Variants in PPIP5K2 observed in about 807,000 individuals in gnomAD.
PPIP5K2 encodes inositol hexakisphosphate and diphosphoinositol-pentakisphosphate kinase 2.
In PPIP5K2, 105 loss-of-function variants were observed where a neutral mutation model predicts 154.6. The ratio of observed to expected loss-of-function variants is 0.68; its 90% CI spans 0.58 to 0.80. The LOEUF (loss-of-function observed/expected upper bound fraction) is 0.80. PPIP5K2 is among the 30% of genes least tolerant of loss of function. The pLI is 0.00. For synonymous variants in PPIP5K2, 480 were observed against 490.3 expected, an observed-to-expected ratio of 0.98 and a Z score of 0.28; for missense variants, 992 against 1,504.6, an observed-to-expected ratio of 0.66 and a Z score of 5.64.
At chr5:103,184,851 T>C (rs1562491494) in intron 26 of PPIP5K2, 107 bp downstream of exon 26, 1 of 747,202 alleles carries the variant, frequency 1.3e-6, no homozygotes, top group East Asian at 2.7e-5. Context: ...TGCTGTAGTT[T>C]TTATTTAATG....
At chr5:103,138,362 G>T (rs781840071) in intron 4 of PPIP5K2, 22 bp from the exon 5 acceptor site, 2 of 1,372,700 alleles carry the variant, frequency 1.5e-6, no homozygotes, top group Non-Finnish European at 2.0e-6. Context: ...AAAACAATAA[G>T]GATGTTTCCC....
At chr5:103,173,416 A>G (rs1166377985) in intron 20 of PPIP5K2, 134 bp downstream of exon 20, 2 of 1,095,352 alleles carry the variant, frequency 1.8e-6, no homozygotes, top group Non-Finnish European at 2.5e-6. Flanking sequence ...TTACCTAGGT[A>G]TTTCTATTAA....
chr5:103,180,083 T>C lies in PPIP5K2; in HGVS notation c.2817T>C (p.Asp939=), dbSNP rs1330844162. The change falls in exon 24 of 31, where the codon GAT becomes GAC. Residue 939 remains aspartate (D), a synonymous_variant. Transcript: ENST00000358359. ...NDDEPHTSKR[D]EVDRAVILFK... ...ATGAACCACATACTTCTAAAAGAGA[T>C]GAAGTTGATCGAGCTGTGATATTGT... 2 of 1,603,962 alleles carry C rather than the reference T, an allele frequency of 1.2e-6. No homozygotes were observed. Among genetic ancestry groups the C allele is most frequent in the Non-Finnish European group, 1.7e-6 (2 of 1,175,876 alleles).
In PPIP5K2 at chr5:103,201,788, T is replaced by C. The variant is rs541231271; in HGVS notation, c.*154T>C. On this transcript the variant is annotated 3_prime_UTR_variant, in exon 31 of 31. Coordinates refer to ENST00000358359, the MANE Select transcript of PPIP5K2 (RefSeq NM_001276277.3). ...AGGAACTGTTGTCATGATCTGGAAA[T>C]GTTTAAAACAATGTTTGTTAGCATT... 7 of 598,154 alleles carry C rather than the reference T, an allele frequency of 1.2e-5. No individual in the cohort carries two copies. In the African/African-American group the frequency reaches 1.4e-4, roughly 12 times the overall value. The allele number at this position is 598,154 out of a possible 1,614,324, so 37.1% of individuals were successfully genotyped here.
chr5:103,167,097 TG>T (rs1797248870), intron 17 of PPIP5K2, 81 bp from the exon 18 acceptor site: 1 of 1,094,424 alleles, frequency 9.1e-7, no homozygotes, highest in South Asian at 2.7e-5. Context: ...CTCCAGCTAC[TG>T]GAAAATTTTG....
chr5:103,143,594 T>C (rs1420504039), intron 5 of PPIP5K2, among the ~76,000 whole-genome samples: 9 of 152,184 alleles, frequency 5.9e-5, no homozygotes, highest in African/African-American at 2.2e-4. Flanking sequence ...CTATCAGTAA[T>C]AACGTGAATG....
At chr5:103,174,068 C>T (rs1798360948) in intron 21 of PPIP5K2, 96 bp downstream of exon 21, 3 of 973,246 alleles carry the variant, frequency 3.1e-6, no homozygotes, top group Non-Finnish European at 4.5e-6. Flanking sequence ...AGTAATTCAT[C>T]CTTAAGTTTT....
At chr5:103,121,000 C>T (rs897630496) in intron 1 of PPIP5K2, among the ~76,000 whole-genome samples, 1 of 152,132 alleles carries the variant, frequency 6.6e-6, no homozygotes, top group East Asian at 1.9e-4. Context: ...ATTTGGAGGT[C>T]GTTGCAGCCT....
chr5:103,197,389 C>T (rs1191321411), intron 30 of PPIP5K2, among the ~76,000 whole-genome samples: 4 of 150,964 alleles, frequency 2.6e-5, no homozygotes, highest in Admixed American at 6.6e-5. Flanking sequence ...CAAATTGTTG[C>T]TCTTTTATTA....
chr5:103,185,181 C>T (rs1800168008), intron 26 of PPIP5K2, among the ~76,000 whole-genome samples: 1 of 152,016 alleles, frequency 6.6e-6, no homozygotes, highest in Non-Finnish European at 1.5e-5. Context: ...TTGAGCAGCT[C>T]GTAAGGAAAA....
At chr5:103,195,778 A>G (rs1801998018) in intron 30 of PPIP5K2, among the ~76,000 whole-genome samples, 1 of 152,142 alleles carries the variant, frequency 6.6e-6, no homozygotes. Flanking sequence ...AGAGAATTTC[A>G]TATACCTCCA....
At chr5:103,121,098 C>G (rs1449343457) in intron 1 of PPIP5K2, among the ~76,000 whole-genome samples, 1 of 151,988 alleles carries the variant, frequency 6.6e-6, no homozygotes, top group East Asian at 1.9e-4. Flanking sequence ...GATTGCGACT[C>G]TTGGTGTCCT....
rs1554220147 is a variant in PPIP5K2, at chr5:103,173,847, T to A, written c.2415-11T>A. 2.7e-6 allele frequency: 4 copies of A among 1,492,192 alleles called. No homozygotes were observed. The highest frequency in any genetic ancestry group is 2.3e-5 in the East Asian group (1 of 44,128). The allele number at this position is 1,492,192 out of a possible 1,614,324, so 92.4% of individuals were successfully genotyped here. On this transcript the variant is annotated splice_polypyrimidine_tract_variant and intron_variant, in intron 20 of 30. Coordinates refer to ENST00000358359, the MANE Select transcript of PPIP5K2 (RefSeq NM_001276277.3). ...TGGTTATGTTTGAACACTGTCTGCT[T>A]CTAATTTTAGGTATTCTAGAGGTGT...
Position 103,167,675 on chromosome 5 carries a change from G to A in PPIP5K2, c.2062+355G>A, listed in dbSNP as rs537817063. On this transcript the variant is annotated intron_variant, in intron 18 of 30. Coordinates refer to ENST00000358359, the MANE Select transcript of PPIP5K2 (RefSeq NM_001276277.3). ...GTAACTCAGACAACTTTGGCATCTT[G>A]GGTTTTTTTCTGGCAGAAAATGGAT... 2.0e-5 allele frequency among the ~76,000 whole-genome samples: 3 copies of A among 151,956 alleles called. No individual in the cohort carries two copies. In the East Asian group the frequency reaches 5.8e-4, roughly 29 times the overall value.
chr5:103,180,282 G>T, intron 24 of PPIP5K2, 94 bp downstream of exon 24: 1 of 1,062,196 alleles, frequency 9.4e-7, no homozygotes, highest in Non-Finnish European at 1.3e-6. Context: ...TGTGGAGCTT[G>T]GGAAACCAAC....
At chr5:103,174,861 A>G (rs1214045383) in intron 21 of PPIP5K2, among the ~76,000 whole-genome samples, 2 of 152,014 alleles carry the variant, frequency 1.3e-5, no homozygotes, top group Non-Finnish European at 2.9e-5. Context: ...TCTTTGGAAA[A>G]GACAAAATCT....
intron 9 of PPIP5K2, among the ~76,000 whole-genome samples, chr5:103,152,212 A>AT (rs552266454): frequency 1.1e-4 from 17 of 152,060 alleles, no homozygotes; most frequent in African/African-American, 4.1e-4. Context: ...AAAAGTAAAC[A>AT]TTTTTCCATT....
At chr5:103,156,761 T>C (rs1795479012) in intron 14 of PPIP5K2, among the ~76,000 whole-genome samples, 2 of 152,190 alleles carry the variant, frequency 1.3e-5, no homozygotes, top group Admixed American at 1.3e-4. Context: ...AATGTACTTA[T>C]GCTTTGACCT....
Position 103,183,266 on chromosome 5 carries a change from G to A in PPIP5K2, c.2955G>A (p.Glu985=), listed in dbSNP as rs1799855356. The A allele has an allele frequency of 6.6e-7, 1 of 1,509,842 alleles. No individual in the cohort carries two copies. Among genetic ancestry groups the A allele is most frequent in the Non-Finnish European group, 8.8e-7 (1 of 1,132,990 alleles). 93.5% of individuals were successfully genotyped at this position (1,509,842 alleles called of 1,614,324 possible). Residue 985 remains glutamate (E), a synonymous_variant, in exon 25 of 31, where the codon GAG becomes GAA. Transcript: ENST00000358359. ...GCCCCCTGAGTGTGTCTAGCCCAGA[G>A]GGTACTGGTACCTGGCTGCATTATA... The part of the protein sequence containing the change: ...EESPLSVSSP[E]GTGTWLHYTS...
Sources: allele counts gnomAD v4.1 joint callset (sites outside exome capture counted in the v4.1 genomes callset), GRCh38; gene constraint gnomAD v4.1.1; transcripts MANE v1.5; gene names NCBI Gene and HGNC (gene_info 2026-07-23, HGNC 2026-07-21).